ARIH1: variants seen among roughly 807,000 people sequenced by gnomAD.
ARIH1 encodes ariadne RBR E3 ubiquitin protein ligase 1.
ARIH1 carries 8 observed loss-of-function variants against 85.0 expected under a neutral mutation model. The ratio of observed to expected loss-of-function variants is 0.09; its 90% confidence interval spans 0.06 to 0.17. The LOEUF is 0.17. Ranked by LOEUF, ARIH1 falls within the 10% of genes least tolerant of loss-of-function variation. The pLI is 1.00. For synonymous variants in ARIH1, 238 were observed against 253.6 expected (o/e 0.94, Z 0.59); for missense variants, 311 against 718.1 (o/e 0.43, Z 6.48).
chr15:72,545,049 T>A (rs2064122933), intron 3 of ARIH1, 85 bp downstream of exon 3: 4 of 1,320,124 alleles, frequency 3.0e-6, no homozygotes, highest in Non-Finnish European at 4.0e-6. Context: ...AAGGAAAATT[T>A]GTGGGTCTGG....
intron 1 of ARIH1, among the ~76,000 whole-genome samples, chr15:72,486,956 A>G (rs1485434714): frequency 6.6e-6 from 1 of 151,856 alleles, no homozygotes. Context: ...CAGCCTCCCA[A>G]AGTGCTGAGA....
At chr15:72,558,536 A>T (rs2064184660) in intron 5 of ARIH1, among the ~76,000 whole-genome samples, 1 of 152,226 alleles carries the variant, frequency 6.6e-6, no homozygotes, top group South Asian at 2.1e-4. Flanking sequence ...TCCTGACCTC[A>T]GGCGATCTGC....
In ARIH1 at chr15:72,552,381, G is replaced by A. The variant is rs143126386; in HGVS notation, c.589-2890G>A. ...TGGCTCACTGCAACCTCTGCCTCCCGGGTTGAAGGGATTCTTCTGCCTCAG... is the reference window on the plus strand; with the variant it reads ...TGGCTCACTGCAACCTCTGCCTCCCAGGTTGAAGGGATTCTTCTGCCTCAG... On this transcript the variant is annotated intron_variant, in intron 3 of 13. Coordinates refer to ENST00000379887, the MANE Select transcript of ARIH1 (RefSeq NM_005744.5). 1.7e-3 allele frequency among the ~76,000 whole-genome samples: 254 copies of A among 151,896 alleles called. 1 individual carries two copies. Among genetic ancestry groups the A allele is most frequent in the African/African-American group, 5.8e-3 (239 of 41,380 alleles).
chr15:72,496,713 TG>T, intron 1 of ARIH1: 2 of 754,860 alleles, frequency 2.6e-6, no homozygotes, highest in Non-Finnish European at 3.2e-6. Flanking sequence ...ATATATACCT[TG>T]ATTTTAATTT....
chr15:72,581,863 C>A (rs1024587241), intron 12 of ARIH1: 5 of 391,172 alleles, frequency 1.3e-5, no homozygotes, highest in Non-Finnish European at 1.8e-5. Context: ...TGGGTGAAAT[C>A]TTTCGTTCTT....
At chr15:72,492,894 T>C (rs1205486273) in intron 1 of ARIH1, among the ~76,000 whole-genome samples, 1 of 152,180 alleles carries the variant, frequency 6.6e-6, no homozygotes, top group Non-Finnish European at 1.5e-5. Context: ...TTTGAAGATT[T>C]AAGGATGGCA....
intron 1 of ARIH1, among the ~76,000 whole-genome samples, chr15:72,506,437 C>T (rs1193122449): frequency 6.1e-5 from 9 of 146,564 alleles, no homozygotes; most frequent in Non-Finnish European, 1.3e-4. Context: ...TGGATATTTT[C>T]GTGTGTTTTT....
Position 72,591,262 on chromosome 15 carries a change from C to T in ARIH1, c.*7970C>T, listed in dbSNP as rs1595877938. 1 of 135,648 alleles carries T rather than the reference C, an allele frequency of 7.4e-6. No homozygotes were observed. Among genetic ancestry groups the T allele is most frequent in the South Asian group, 2.6e-4 (1 of 3,796 alleles). The allele number at this position is 135,648 out of a possible 1,614,324, so 8.4% of individuals were successfully genotyped here. A position where few individuals can be genotyped will look rare whatever the true frequency, so the allele number is the denominator to read the frequency against. On this transcript the variant is annotated 3_prime_UTR_variant, in exon 14 of 14. Transcript: ENST00000379887. ...AAAAAAAGAAGAAGAAGAAGAAATA[C>T]AAAACCAACTCTTTATAGTAGACAG... is the stretch of plus-strand genomic sequence containing the variant.
chr15:72,546,704 T>TGTTTGTTTGTTTG (rs2064130536), intron 3 of ARIH1, among the ~76,000 whole-genome samples: 1 of 151,986 alleles, frequency 6.6e-6, no homozygotes, highest in African/African-American at 2.4e-5. Context: ...TTGTTTGTTT[T>TGTTTGTTTGTTTG]TTTTGTAGAG....
intron 13 of ARIH1, 140 bp from the exon 14 acceptor site, chr15:72,583,068 A>G (rs1454549197): frequency 4.9e-6 from 3 of 609,610 alleles, no homozygotes; most frequent in African/African-American, 1.8e-5. Flanking sequence ...AGACCTGAAC[A>G]TGTGCCTATT....
At chr15:72,524,553 C>T (rs770706178) in intron 2 of ARIH1, among the ~76,000 whole-genome samples, 5 of 152,096 alleles carry the variant, frequency 3.3e-5, no homozygotes, top group Non-Finnish European at 4.4e-5. Flanking sequence ...TGGAAATTAC[C>T]TAAATTGTCC....
At chr15:72,540,767 A>G (rs1354415389) in intron 2 of ARIH1, among the ~76,000 whole-genome samples, 2 of 152,172 alleles carry the variant, frequency 1.3e-5, no homozygotes, top group East Asian at 3.8e-4. Context: ...TCAAGGCTGT[A>G]TGCTATTATT....
At chr15:72,519,475 G>GTGTTTTTTTTTTT (rs2063989343) in intron 2 of ARIH1, among the ~76,000 whole-genome samples, 1 of 62,544 alleles carries the variant, frequency 1.6e-5, no homozygotes, top group African/African-American at 6.5e-5. Context: ...TGTTTTTTTT[G>GTGTTTTTTTTTTT]TTTTTTTTTT....
chr15:72,475,707 G>A (rs2063792296), intron 1 of ARIH1, among the ~76,000 whole-genome samples: 1 of 152,186 alleles, frequency 6.6e-6, no homozygotes, highest in Non-Finnish European at 1.5e-5. Context: ...AATAGTTACT[G>A]CATATTGCAT....
chr15:72,593,967 G>C lies in ARIH1; in HGVS notation c.*10675G>C, dbSNP rs1350443061. On this transcript the variant is annotated 3_prime_UTR_variant, in exon 14 of 14. Coordinates refer to ENST00000379887, the MANE Select transcript of ARIH1 (RefSeq NM_005744.5). ...GATATGGGGTTTTGTTGAGTCTATA[G>C]GTCAATTTAGAATGAACATTTTAAT... is the stretch of plus-strand genomic sequence containing the variant. The C allele has an allele frequency of 6.6e-6, 1 of 151,122 alleles. No homozygotes were observed. Among genetic ancestry groups the C allele is most frequent in the Non-Finnish European group, 1.5e-5 (1 of 67,844 alleles). 9.4% of individuals were successfully genotyped at this position (151,122 alleles called of 1,614,324 possible). A position where few individuals can be genotyped will look rare whatever the true frequency, so the allele number is the denominator to read the frequency against.
chr15:72,528,074 TAA>T (rs150680685), intron 2 of ARIH1, among the ~76,000 whole-genome samples: 7 of 148,116 alleles, frequency 4.7e-5, no homozygotes, highest in African/African-American at 1.7e-4. Flanking sequence ...TGATAACAAG[TAA>T]AAAAAAAAGT....
intron 8 of ARIH1, among the ~76,000 whole-genome samples, 184 bp downstream of exon 8, chr15:72,566,789 T>C (rs1313606747): frequency 6.6e-6 from 1 of 152,186 alleles, no homozygotes; most frequent in African/African-American, 2.4e-5. Flanking sequence ...CAGCTCCTGA[T>C]TGTTATTAGG....
chr15:72,556,029 C>A (rs977635175), intron 5 of ARIH1, 122 bp downstream of exon 5: 1 of 768,422 alleles, frequency 1.3e-6, no homozygotes. Context: ...TTTTAATCTG[C>A]GTTCCTTAGT....
intron 1 of ARIH1, among the ~76,000 whole-genome samples, chr15:72,482,926 CA>C (rs2063822207): frequency 6.6e-6 from 1 of 151,132 alleles, no homozygotes; most frequent in South Asian, 2.1e-4. Flanking sequence ...TTGCAACCCT[CA>C]CCTCTTGAGT....
Sources: gnomAD v4.1 joint callset for allele counts (sites outside exome capture counted in the v4.1 genomes callset) on GRCh38, gnomAD v4.1.1 for gene constraint, MANE v1.5 for transcripts, NCBI Gene and HGNC (gene_info 2026-07-23, HGNC 2026-07-21) for gene names.